The following ANKRD30B variants were observed in gnomAD, a reference collection of about 807,000 sequenced individuals.
ANKRD30B encodes ankyrin repeat domain 30B.
Under a neutral mutation model 202.2 loss-of-function variants are expected in ANKRD30B, and 144 were observed. The observed-to-expected ratio is 0.71, with a 90% CI of 0.62 to 0.82. The LOEUF is 0.82. ANKRD30B is among the 40% of genes least tolerant of loss of function. The pLI is 0.00. For synonymous variants in ANKRD30B, 508 were observed against 561.3 expected, an observed-to-expected ratio of 0.91 and a Z score of 1.34; for missense variants, 1,487 against 1,669.1, an observed-to-expected ratio of 0.89 and a Z score of 1.90.
chr18:14,855,247 C>T (rs1389679116), downstream of ANKRD30B, among the ~76,000 whole-genome samples: 4 of 152,180 alleles, frequency 2.6e-5, no homozygotes, highest in African/African-American at 7.2e-5. Context: ...TAACAGCATC[C>T]CAAGGCAGAA....
chr18:14,764,113 G>T, intron 7 of ANKRD30B, 23 bp downstream of exon 7: 1 of 1,479,932 alleles, frequency 6.8e-7, no homozygotes, highest in Non-Finnish European at 8.9e-7. Context: ...AGTGAACTTT[G>T]CAGGGTTTAT....
chr18:14,824,515 A>C (rs1970585110), intron 32 of ANKRD30B, among the ~76,000 whole-genome samples: 1 of 152,198 alleles, frequency 6.6e-6, no homozygotes, highest in African/African-American at 2.4e-5. Flanking sequence ...TCACTAGAAA[A>C]GCAAATGTTC....
the ANKRD30B span, among the ~76,000 whole-genome samples, chr18:14,872,493 A>G: frequency 8.5e-5 from 13 of 152,252 alleles, no homozygotes; most frequent in Admixed American, 6.5e-4. Flanking sequence ...TTTATTGAGA[A>G]CCTGTTGTGT....
the ANKRD30B span, among the ~76,000 whole-genome samples, chr18:14,893,577 C>T: frequency 6.6e-6 from 1 of 151,746 alleles, no homozygotes; most frequent in African/African-American, 2.4e-5. Context: ...CACCATTGCA[C>T]TCCAGCCTGG....
intron 9 of ANKRD30B, among the ~76,000 whole-genome samples, chr18:14,772,440 G>A (rs190227199): frequency 1.8e-4 from 27 of 151,686 alleles, no homozygotes; most frequent in African/African-American, 6.0e-4. Context: ...CTTTGAGGGT[G>A]TGAGGGCCGA....
chr18:14,878,301 C>A, the ANKRD30B span, among the ~76,000 whole-genome samples: 4 of 152,076 alleles, frequency 2.6e-5, no homozygotes, highest in Non-Finnish European at 4.4e-5. Flanking sequence ...TGATTATCTA[C>A]CCTGTGGTTA....
chr18:14,757,140 T>C (rs1914496169), intron 4 of ANKRD30B, among the ~76,000 whole-genome samples: 1 of 152,318 alleles, frequency 6.6e-6, no homozygotes, highest in East Asian at 1.9e-4. Flanking sequence ...ATTTGATTAA[T>C]ATTTTAGTTA....
intron 37 of ANKRD30B, among the ~76,000 whole-genome samples, chr18:14,842,194 T>C (rs1800652839): frequency 6.6e-6 from 1 of 152,208 alleles, no homozygotes; most frequent in African/African-American, 2.4e-5. Context: ...CATATCAATA[T>C]TGAAAGCTCA....
the ANKRD30B span, among the ~76,000 whole-genome samples, chr18:14,914,915 A>G: frequency 6.6e-6 from 1 of 152,204 alleles, no homozygotes; most frequent in Non-Finnish European, 1.5e-5. Flanking sequence ...TGTCATCCAC[A>G]TATGGTGGTG....
At chr18:14,762,836 A>C (rs1915475170) in intron 6 of ANKRD30B, among the ~76,000 whole-genome samples, 1 of 152,198 alleles carries the variant, frequency 6.6e-6, no homozygotes. Flanking sequence ...TCTATAAGTT[A>C]GGTTTGGCAA....
At chr18:14,836,785 CTTA>C (rs2143139473) in intron 34 of ANKRD30B, among the ~76,000 whole-genome samples, 2 of 151,938 alleles carry the variant, frequency 1.3e-5, no homozygotes, top group Middle Eastern at 6.8e-3. Flanking sequence ...TGTTTCATGC[CTTA>C]TTATTTTGCA....
At chr18:14,758,570 A>G (rs1016958579) in intron 5 of ANKRD30B, among the ~76,000 whole-genome samples, 5 of 152,130 alleles carry the variant, frequency 3.3e-5, no homozygotes, top group African/African-American at 1.2e-4. Context: ...TCACATACAT[A>G]TTCTCAGCCA....
At chr18:14,819,120 G>A (rs1309970196) in intron 30 of ANKRD30B, among the ~76,000 whole-genome samples, 1 of 151,154 alleles carries the variant, frequency 6.6e-6, no homozygotes, top group African/African-American at 2.4e-5. Context: ...CAGTGATGAT[G>A]AGCATTTTTT....
the ANKRD30B span, among the ~76,000 whole-genome samples, chr18:14,873,849 G>C: frequency 6.6e-6 from 1 of 152,148 alleles, no homozygotes; most frequent in African/African-American, 2.4e-5. Flanking sequence ...AGCCGAGCGA[G>C]GAATGGGTTC....
chr18:14,940,706 G>A, the ANKRD30B span, among the ~76,000 whole-genome samples: 15 of 152,262 alleles, frequency 9.9e-5, no homozygotes, highest in Non-Finnish European at 1.5e-4. Flanking sequence ...AGGCTGTCCT[G>A]GGAAGTCACT....
chr18:14,904,268 G>A, the ANKRD30B span, among the ~76,000 whole-genome samples: 18 of 152,230 alleles, frequency 1.2e-4, no homozygotes, highest in Non-Finnish European at 2.2e-4. Context: ...TGTCCTGGCC[G>A]TGTGTCTAAG....
In ANKRD30B at chr18:14,764,031, G is replaced by T. The variant is rs757252530; in HGVS notation, c.1166G>T (p.Gly389Val). Residue 389 changes from glycine (G) to valine (V), a missense_variant, in exon 7 of 44, where the codon GGA becomes GTA. Gly to Val is a moderately radical substitution (Grantham distance 109). This residue lies in a region of ANKRD30B where 889 missense variants were observed against 841.4 expected (regional missense o/e 1.06). Transcript: ENST00000690538. ...TPNKTEVLEK[G>V]TSNMIACPTK... Reference sequence around the variant, plus strand: ...AATAAAACTGAAGTTTTGGAAAAAGGAACATCTAATATGATTGCATGTCCT... The same window carrying T: ...AATAAAACTGAAGTTTTGGAAAAAGTAACATCTAATATGATTGCATGTCCT... 1.9e-6 allele frequency: 3 copies of T among 1,570,812 alleles called. No individual in the cohort carries two copies. In the South Asian group the frequency reaches 3.6e-5, roughly 19 times the overall value.
chr18:14,784,283 T>C (rs1158920449), intron 12 of ANKRD30B, 53 bp from the exon 13 acceptor site: 18 of 1,554,162 alleles, frequency 1.2e-5, no homozygotes, highest in East Asian at 2.3e-5. Context: ...ATTCACTCGG[T>C]TGGCTTTGTC....
intron 10 of ANKRD30B, 24 bp downstream of exon 10, chr18:14,778,099 A>G (rs1967495328): frequency 2.8e-6 from 4 of 1,417,962 alleles, no homozygotes; most frequent in Non-Finnish European, 3.9e-6. Flanking sequence ...TTTATTTAAA[A>G]CATCTTTTGA....
Sources: allele counts gnomAD v4.1 joint callset (sites outside exome capture counted in the v4.1 genomes callset), GRCh38; gene constraint gnomAD v4.1.1; regional missense constraint gnomAD v4.1.1; transcripts MANE v1.5; gene names NCBI Gene and HGNC (gene_info 2026-07-23, HGNC 2026-07-21).